TRIO: variants seen among roughly 807,000 people sequenced by gnomAD.
The protein encoded by TRIO is triple functional domain protein.
A neutral mutation model predicts 351.9 loss-of-function variants in TRIO; 58 were observed. The observed-to-expected ratio is 0.16, with a 90% CI of 0.13 to 0.21. The LOEUF (loss-of-function observed/expected upper bound fraction) is 0.21. Among genes scored for constraint, TRIO ranks in the 10% least tolerant of loss-of-function variants. TRIO has a pLI of 1.00. For missense variants in TRIO, 3,201 were observed against 4,027.8 expected (o/e 0.79, Z 5.56); for synonymous variants, 1,758 against 1,595.7 (o/e 1.10, Z -2.42).
intron 1 of TRIO, among the ~76,000 whole-genome samples, chr5:14,151,244 C>A (rs554950266): frequency 6.6e-6 from 1 of 152,248 alleles, no homozygotes; most frequent in South Asian, 2.1e-4. Flanking sequence ...GAAGTGTTAG[C>A]CCCACCTACT....
At chr5:14,462,065 C>G (rs1753861240) in intron 35 of TRIO, among the ~76,000 whole-genome samples, 1 of 152,130 alleles carries the variant, frequency 6.6e-6, no homozygotes, top group African/African-American at 2.4e-5. Context: ...TGGATCGACC[C>G]CCGACTCAAG....
At chr5:14,264,968 T>C (rs550797541) in intron 1 of TRIO, among the ~76,000 whole-genome samples, 10 of 152,364 alleles carry the variant, frequency 6.6e-5, no homozygotes, top group African/African-American at 9.6e-5. Context: ...CCAGTACTTA[T>C]AGGAAGCTCC....
At chr5:14,183,701 G>A in intron 1 of TRIO, 2 of 372,490 alleles carry the variant, frequency 5.4e-6, no homozygotes, top group East Asian at 1.0e-4. Flanking sequence ...ATCAAAAACT[G>A]GAACAAAACT....
intron 34 of TRIO, among the ~76,000 whole-genome samples, chr5:14,456,736 C>T (rs1579709606): frequency 6.6e-6 from 1 of 152,132 alleles, no homozygotes; most frequent in Non-Finnish European, 1.5e-5. Context: ...TATCCTGTGC[C>T]CAGTAACTCT....
chr5:14,348,823 G>C (rs796882153), intron 11 of TRIO, among the ~76,000 whole-genome samples: 41 of 144,520 alleles, frequency 2.8e-4, no homozygotes, highest in African/African-American at 1.1e-3. Flanking sequence ...TTTTTCCTGC[G>C]TGTTTATGTG....
At chr5:14,481,919 C>A in intron 45 of TRIO, 1 of 332,572 alleles carries the variant, frequency 3.0e-6, no homozygotes, top group Non-Finnish European at 5.5e-6. Context: ...TTCCTTTCCT[C>A]AGCACTTAAG....
intron 1 of TRIO, among the ~76,000 whole-genome samples, chr5:14,205,462 A>G (rs1430221534): frequency 6.6e-6 from 1 of 152,248 alleles, no homozygotes; most frequent in African/African-American, 2.4e-5. Flanking sequence ...CGTTAGATTC[A>G]AAATGAAGGT....
chr5:14,339,529 T>C (rs773298415), intron 11 of TRIO, among the ~76,000 whole-genome samples: 1 of 152,230 alleles, frequency 6.6e-6, no homozygotes, highest in Non-Finnish European at 1.5e-5. Context: ...GTGCAGTCTA[T>C]GAAAGGCCAT....
intron 33 of TRIO, among the ~76,000 whole-genome samples, chr5:14,417,970 C>T (rs1210282660): frequency 1.3e-5 from 2 of 152,188 alleles, no homozygotes; most frequent in East Asian, 3.9e-4. Flanking sequence ...TGACTGTGCC[C>T]AGCCCCATCT....
intron 1 of TRIO, among the ~76,000 whole-genome samples, chr5:14,241,210 A>G (rs770924106): frequency 2.6e-5 from 4 of 152,234 alleles, no homozygotes; most frequent in African/African-American, 4.8e-5. Context: ...CATATGAACT[A>G]CAAGTATAGA....
At chr5:14,394,274 C>T (rs561646983) in intron 28 of TRIO, 144 bp downstream of exon 28, 1 of 564,640 alleles carries the variant, frequency 1.8e-6, no homozygotes, top group Non-Finnish European at 3.1e-6. Flanking sequence ...TATTTATTGA[C>T]CTGCCTAATT....
chr5:14,447,989 T>C lies in TRIO; in HGVS notation c.5204-13030T>C, dbSNP rs577447969. 9.2e-5 allele frequency among the ~76,000 whole-genome samples: 14 copies of C among 152,326 alleles called. No individual in the cohort carries two copies. In the South Asian group the frequency reaches 2.7e-3, roughly 29 times the overall value. ...ATTCAGGACAATAATAAGTACTTTA[T>C]TGCCTTGGGAATAACTTCCCATATA... On this transcript the variant is annotated intron_variant, in intron 34 of 56. Coordinates refer to ENST00000344204, the MANE Select transcript of TRIO (RefSeq NM_007118.4).
At chr5:14,159,811 C>T (rs991992449) in intron 1 of TRIO, among the ~76,000 whole-genome samples, 12 of 152,088 alleles carry the variant, frequency 7.9e-5, no homozygotes, top group Admixed American at 3.3e-4. Flanking sequence ...CTGATCTGCC[C>T]GCCTCGGCCT....
intron 1 of TRIO, among the ~76,000 whole-genome samples, chr5:14,235,780 G>A (rs937158872): frequency 6.6e-6 from 1 of 151,576 alleles, no homozygotes; most frequent in Admixed American, 6.6e-5. Flanking sequence ...GGGGATATAG[G>A]CTTTTTGTGG....
intron 7 of TRIO, among the ~76,000 whole-genome samples, chr5:14,299,663 T>C (rs1418569866): frequency 1.3e-5 from 2 of 152,214 alleles, no homozygotes; most frequent in African/African-American, 4.8e-5. Flanking sequence ...ATTTGCCTTC[T>C]AGTTATGCTC....
chr5:14,478,646 T>C (rs1268154405), intron 41 of TRIO, among the ~76,000 whole-genome samples: 1 of 152,092 alleles, frequency 6.6e-6, no homozygotes, highest in Non-Finnish European at 1.5e-5. Flanking sequence ...AGTAATTCTT[T>C]GTTTAATATT....
At chr5:14,397,644 T>C (rs1281480809) in intron 29 of TRIO, among the ~76,000 whole-genome samples, 1 of 151,284 alleles carries the variant, frequency 6.6e-6, no homozygotes, top group African/African-American at 2.4e-5. Flanking sequence ...ATAATTTCCA[T>C]AAATGCCTCT....
intron 33 of TRIO, among the ~76,000 whole-genome samples, chr5:14,417,449 C>G (rs1749739967): frequency 6.6e-6 from 1 of 152,226 alleles, no homozygotes; most frequent in African/African-American, 2.4e-5. Flanking sequence ...GCAGAGGCTC[C>G]CAGAGGTCCT....
At chr5:14,419,231 C>CA (rs1269618414) in intron 33 of TRIO, among the ~76,000 whole-genome samples, 1 of 152,026 alleles carries the variant, frequency 6.6e-6, no homozygotes, top group Admixed American at 6.6e-5. Flanking sequence ...TCAGGAGCCA[C>CA]ACCAAGGGGA....
Sources: allele counts gnomAD v4.1 joint callset (sites outside exome capture counted in the v4.1 genomes callset), GRCh38; gene constraint gnomAD v4.1.1; transcripts MANE v1.5; gene names NCBI Gene and HGNC (gene_info 2026-07-23, HGNC 2026-07-21).